Variants in VPS13A observed in about 807,000 individuals in gnomAD.
VPS13A encodes intermembrane lipid transfer protein VPS13A.
Under a neutral mutation model 390.9 loss-of-function variants are expected in VPS13A, and 264 were observed. The observed-to-expected ratio is 0.68, with a 90% CI of 0.61 to 0.75. The LOEUF is 0.75. VPS13A is among the 30% of genes least tolerant of loss of function. VPS13A has a pLI of 0.00. For synonymous variants in VPS13A, 1,231 were observed against 1,227.1 expected, an observed-to-expected ratio of 1.00 and a Z score of -0.07; for missense variants, 3,409 against 3,733.9, an observed-to-expected ratio of 0.91 and a Z score of 2.27.
At chr9:77,210,285 G>T (rs903690683) in intron 6 of VPS13A, among the ~76,000 whole-genome samples, 1 of 146,056 alleles carries the variant, frequency 6.8e-6, no homozygotes, top group African/African-American at 2.5e-5. Context: ...AGGCTGGAGT[G>T]CAGTTGCCCG....
intron 23 of VPS13A, among the ~76,000 whole-genome samples, chr9:77,265,556 T>C (rs1825991444): frequency 6.6e-6 from 1 of 152,244 alleles, no homozygotes. Flanking sequence ...TTTATCCATT[T>C]CTTCTAGATT....
chr9:77,343,077 T>G (rs1041996614), intron 50 of VPS13A, among the ~76,000 whole-genome samples: 4 of 152,212 alleles, frequency 2.6e-5, no homozygotes, highest in African/African-American at 9.7e-5. Context: ...GTTCCAGTTC[T>G]CAGCTCAGGC....
intron 33 of VPS13A, among the ~76,000 whole-genome samples, chr9:77,296,432 T>A (rs1828005224): frequency 6.6e-6 from 1 of 152,194 alleles, no homozygotes. Flanking sequence ...CTTGAATCCT[T>A]CTCTATTTAT....
intron 59 of VPS13A, among the ~76,000 whole-genome samples, chr9:77,364,570 C>T (rs1832333640): frequency 1.3e-5 from 2 of 152,144 alleles, no homozygotes; most frequent in Non-Finnish European, 2.9e-5. Flanking sequence ...AGGAAGTCCT[C>T]CAATTGAGGA....
At chr9:77,243,345 A>G (rs1299569209) in intron 19 of VPS13A, among the ~76,000 whole-genome samples, 3 of 152,180 alleles carry the variant, frequency 2.0e-5, no homozygotes, top group African/African-American at 4.8e-5. Flanking sequence ...TTCTGTGAAT[A>G]TGATCTTTGA....
In VPS13A at chr9:77,405,997, A is replaced by ATAGAT. The variant is rs1834585352; in HGVS notation, c.9399+12_9399+16dup. The ATAGAT allele has an allele frequency of 1.2e-6, 2 of 1,613,340 alleles. No homozygotes were observed. Among genetic ancestry groups the ATAGAT allele is most frequent in the Non-Finnish European group, 1.7e-6 (2 of 1,179,920 alleles). On this transcript the variant is annotated intron_variant, in intron 70 of 71. Coordinates refer to ENST00000360280, the MANE Select transcript of VPS13A (RefSeq NM_033305.3). ...GCGCATTGAAGCAAAGGTATGTTGA[A>ATAGAT]TAGATTTATTTTTTGAAAACTTGGA...
chr9:77,280,251 A>G lies in VPS13A; in HGVS notation c.2904+13A>G. On this transcript the variant is annotated intron_variant, in intron 27 of 71. Coordinates refer to ENST00000360280, the MANE Select transcript of VPS13A (RefSeq NM_033305.3). ...GGAATATGTAAAGGTAAGCAGTTTC[A>G]TTTATATCTGCTTAATATGGTAAGT... is the stretch of plus-strand genomic sequence containing the variant. The G allele has an allele frequency of 6.3e-7, 1 of 1,593,826 alleles. No homozygotes were observed.
At chr9:77,396,905 A>G (rs908753550) in intron 68 of VPS13A, among the ~76,000 whole-genome samples, 3 of 152,214 alleles carry the variant, frequency 2.0e-5, no homozygotes, top group African/African-American at 4.8e-5. Flanking sequence ...GGAACCCTCA[A>G]ATTAACCAGT....
intron 19 of VPS13A, among the ~76,000 whole-genome samples, chr9:77,240,859 T>C (rs1485205392): frequency 1.3e-5 from 2 of 152,200 alleles, no homozygotes; most frequent in Non-Finnish European, 2.9e-5. Flanking sequence ...GGGCATTCTG[T>C]CTTTAGGTTT....
intron 20 of VPS13A, 107 bp from the exon 21 acceptor site, chr9:77,249,990 T>G: frequency 7.9e-7 from 1 of 1,270,470 alleles, no homozygotes; most frequent in Admixed American, 2.0e-5. Context: ...TGCTTACTTG[T>G]GAATTTATCC....
rs568003540 is a variant in VPS13A, at chr9:77,280,662, G to A, written c.2904+424G>A. On this transcript the variant is annotated intron_variant, in intron 27 of 71. Coordinates refer to ENST00000360280, the MANE Select transcript of VPS13A (RefSeq NM_033305.3). ...ATTGATTTATGATATTCATTTTATC[G>A]TTTGTTAAGCTTTTCTATGTACTAT... is the stretch of plus-strand genomic sequence containing the variant. 8.6e-5 allele frequency among the ~76,000 whole-genome samples: 13 copies of A among 151,942 alleles called. 1 individual carries two copies. The South Asian group carries it at 2.1e-3, about 24-fold the overall frequency.
intron 54 of VPS13A, among the ~76,000 whole-genome samples, 174 bp downstream of exon 54, chr9:77,353,815 A>C (rs1831609481): frequency 6.6e-6 from 1 of 152,130 alleles, no homozygotes; most frequent in African/African-American, 2.4e-5. Context: ...TTTTGAAATA[A>C]AGATATGGCA....
rs947348442 is a variant in VPS13A at position 77,421,260 on chromosome 9, T to A, written c.*5254T>A. The A allele has an allele frequency of 6.6e-6, 1 of 152,222 alleles. No homozygotes were observed. The highest frequency in any genetic ancestry group is 2.4e-5 in the African/African-American group (1 of 41,468). 9.4% of individuals were successfully genotyped at this position (152,222 alleles called of 1,614,324 possible). On this transcript the variant is annotated 3_prime_UTR_variant, in exon 72 of 72. Coordinates refer to ENST00000360280, the MANE Select transcript of VPS13A (RefSeq NM_033305.3). Reference sequence around the variant, plus strand: ...ACTTTTCTGTTCCTCATCCCTCTTTTATGTGTGCTTGGCTCAGTTGCCTGT... The same window carrying A: ...ACTTTTCTGTTCCTCATCCCTCTTTAATGTGTGCTTGGCTCAGTTGCCTGT...
In VPS13A at chr9:77,252,174, T is replaced by C; in HGVS notation, c.2171-61T>C. 13 of 1,300,324 alleles carry C rather than the reference T, an allele frequency of 1.0e-5. No homozygotes were observed. In the South Asian group the frequency reaches 1.5e-4, roughly 15 times the overall value. 80.5% of individuals were successfully genotyped at this position (1,300,324 alleles called of 1,614,324 possible). A position where few individuals can be genotyped will look rare whatever the true frequency, so the allele number is the denominator to read the frequency against. On this transcript the variant is annotated intron_variant, in intron 21 of 71. Transcript: ENST00000360280. ...GGAATGTGTGACTATGAAGTATTAA[T>C]AGTTATTTTAGGTTTTGTGTGTTAT...
intron 46 of VPS13A, 140 bp downstream of exon 46, chr9:77,332,253 TAAA>T: frequency 1.5e-6 from 1 of 646,066 alleles, no homozygotes; most frequent in Non-Finnish European, 2.8e-6. Flanking sequence ...ACTTAGATCT[TAAA>T]AAAGAAGTAT....
chr9:77,217,721 T>G (rs1018186268), intron 10 of VPS13A, among the ~76,000 whole-genome samples: 44 of 152,222 alleles, frequency 2.9e-4, no homozygotes, highest in Non-Finnish European at 1.3e-4. Context: ...GACACTTTGG[T>G]TGATACCATA....
intron 23 of VPS13A, among the ~76,000 whole-genome samples, chr9:77,264,475 C>G (rs1257354257): frequency 6.6e-6 from 1 of 152,112 alleles, no homozygotes. Context: ...TTTCTTTGAG[C>G]AGTGTTTTGT....
intron 19 of VPS13A, among the ~76,000 whole-genome samples, chr9:77,241,353 A>G (rs2131242573): frequency 6.6e-6 from 1 of 151,188 alleles, no homozygotes; most frequent in South Asian, 2.1e-4. Flanking sequence ...TTTTCCCTTT[A>G]GGAATTCTGT....
At chr9:77,401,461 CT>C (rs1223298005) in intron 68 of VPS13A, among the ~76,000 whole-genome samples, 2 of 151,568 alleles carry the variant, frequency 1.3e-5, no homozygotes, top group Non-Finnish European at 2.9e-5. Context: ...TCCAAAATTT[CT>C]TTTACTCCCC....
Sources: gnomAD v4.1 joint callset for allele counts (sites outside exome capture counted in the v4.1 genomes callset) on GRCh38, gnomAD v4.1.1 for gene constraint, MANE v1.5 for transcripts, NCBI Gene and HGNC (gene_info 2026-07-23, HGNC 2026-07-21) for gene names.